The following IFI30 variants were observed in gnomAD, a reference collection of about 807,000 sequenced individuals.
The protein encoded by IFI30 is gamma-interferon-inducible lysosomal thiol reductase.
Under a neutral mutation model 30.1 loss-of-function variants are expected in IFI30, and 26 were observed. The observed-to-expected ratio is 0.87, with a 90% confidence interval of 0.63 to 1.20. IFI30 has a LOEUF of 1.20. Among genes scored for constraint, IFI30 ranks in the 50% most tolerant of loss-of-function variants. The probability of loss-of-function intolerance (pLI) is 0.00; values close to 1 mark genes in which losing one functional copy is unlikely to be tolerated. For synonymous variants in IFI30, 149 were observed against 134.5 expected, an observed-to-expected ratio of 1.11 and a Z score of -0.75; for missense variants, 296 against 312.5, an observed-to-expected ratio of 0.95 and a Z score of 0.40.
At chr19:18,174,868 CAAA>C (rs368913279) in intron 1 of IFI30, 169 bp from the exon 2 acceptor site, 1,824 of 484,830 alleles carry the variant, frequency 3.8e-3, no homozygotes, top group Middle Eastern at 5.3e-3. Flanking sequence ...GACTCCATCT[CAAA>C]AAAAAAAAAA....
chr19:18,175,450 C>G (rs940153143), intron 3 of IFI30, 65 bp downstream of exon 3: 7 of 1,477,866 alleles, frequency 4.7e-6, no homozygotes, highest in Non-Finnish European at 6.5e-6. Context: ...GAGGCAAATA[C>G]GAGGATGCCA....
In IFI30 at chr19:18,177,179, A is replaced by C; in HGVS notation, c.523A>C (p.Ile175Leu). The change falls in exon 5 of 7, where the codon ATC (isoleucine) becomes CTC (leucine). Residue 175 changes from isoleucine (I) to leucine (L), a missense_variant. Physicochemically the swap from Ile to Leu is conservative, Grantham distance 5. Coordinates refer to ENST00000407280, the MANE Select transcript of IFI30 (RefSeq NM_006332.5). ...LYAPGLSPDT[I>L]MECAMGDRGM... is the part of the protein sequence containing the mutation. The stretch of plus-strand genomic sequence containing the variant: ...CGCCCCAGGGCTGTCGCCAGACACT[A>C]TCATGGAGTGTGCAATGGGGGACCG... The C allele has an allele frequency of 6.3e-7, 1 of 1,584,502 alleles. No homozygotes were observed.
chr19:18,173,990 G>A lies in IFI30; in HGVS notation c.132+17G>A, dbSNP rs985125761. ...AACTACAAGGTAGGGACGGCGACAG[G>A]GCGGGCAGGCTGGAGGGAACAGGCG... On this transcript the variant is annotated intron_variant, in intron 1 of 6. Transcript: ENST00000407280. 4.5e-6 allele frequency: 7 copies of A among 1,546,748 alleles called. No individual in the cohort carries two copies. In the South Asian group the frequency reaches 8.4e-5, roughly 18 times the overall value.
At position 18,175,610 on chromosome 19, in the gene IFI30, C is replaced by T. The variant is rs376719198; in HGVS notation, c.396C>T (p.Cys132=). 7.3e-5 allele frequency: 118 copies of T among 1,607,912 alleles called. No homozygotes were observed. Among genetic ancestry groups the T allele is most frequent in the Non-Finnish European group, 7.6e-5 (89 of 1,177,256 alleles). ...GCCCCCTCTCCAAACCCCAGGCCTGCGTGTTGGATGAACTTGACATGGAGC... is the reference window on the plus strand; with the variant it reads ...GCCCCCTCTCCAAACCCCAGGCCTGTGTGTTGGATGAACTTGACATGGAGC... ...EECKFNKVEA[C]VLDELDMELA... Residue 132 remains cysteine, a synonymous_variant, in exon 4 of 7, where the codon TGC becomes TGT. Transcript: ENST00000407280.
At position 18,177,552 on chromosome 19, in the gene IFI30, T is replaced by C. The variant is rs539691076; in HGVS notation, c.637-159T>C. On this transcript the variant is annotated intron_variant, in intron 5 of 6. Transcript: ENST00000407280. ...ATGTATTAATTCGAAGTATTAAACATCCCTAGCCACCCCCATTGGGAAAGA... is the reference window on the plus strand; with the variant it reads ...ATGTATTAATTCGAAGTATTAAACACCCCTAGCCACCCCCATTGGGAAAGA... 10 of 908,882 alleles carry C rather than the reference T, an allele frequency of 1.1e-5. No individual in the cohort carries two copies. In the African/African-American group the frequency reaches 1.7e-4, roughly 15 times the overall value. The allele number at this position is 908,882 out of a possible 1,614,324, so 56.3% of individuals were successfully genotyped here. A position where few individuals can be genotyped will look rare whatever the true frequency, so the allele number is the denominator to read the frequency against.
Position 18,173,824 on chromosome 19 carries a change from A to G in IFI30, c.-18A>G. 1 of 1,526,378 alleles carries G rather than the reference A, an allele frequency of 6.6e-7. No homozygotes were observed. The highest frequency in any genetic ancestry group is 8.8e-7 in the Non-Finnish European group (1 of 1,136,188). 94.6% of individuals were successfully genotyped at this position (1,526,378 alleles called of 1,614,324 possible). A position where few individuals can be genotyped will look rare whatever the true frequency, so the allele number is the denominator to read the frequency against. On this transcript the variant is annotated 5_prime_UTR_variant, in exon 1 of 7. Transcript: ENST00000407280. ...CCCAGGCAGCCGCTGCAGTCGCCACACCTTTGCCCCTGCTGCGATGACCCT... is the reference window on the plus strand; with the variant it reads ...CCCAGGCAGCCGCTGCAGTCGCCACGCCTTTGCCCCTGCTGCGATGACCCT...
chr19:18,174,049 C>CTGTGAAGTCTGGGGAGAA, intron 1 of IFI30, 76 bp downstream of exon 1: 2 of 1,378,360 alleles, frequency 1.5e-6, no homozygotes, highest in Non-Finnish European at 2.0e-6. Flanking sequence ...TCTTTCTCCC[C>CTGTGAAGTCTGGGGAGAA]AGACTTCACA....
intron 1 of IFI30, chr19:18,174,210 C>A: frequency 2.0e-6 from 1 of 491,532 alleles, no homozygotes; most frequent in Non-Finnish European, 3.6e-6. Flanking sequence ...CCCGCCTAGT[C>A]CCGCCCAAGG....
chr19:18,174,827 G>A lies in IFI30; in HGVS notation c.133-213G>A, dbSNP rs1006609700. 7.6e-5 allele frequency: 40 copies of A among 529,610 alleles called. No homozygotes were observed. In the East Asian group the frequency reaches 1.2e-3, roughly 16 times the overall value. 32.8% of individuals were successfully genotyped at this position (529,610 alleles called of 1,614,324 possible). On this transcript the variant is annotated intron_variant, in intron 1 of 6. Transcript: ENST00000407280. ...TCGGGTGTTGCAGTGAGCCGAGATC[G>A]TGCCGCAGCACACCAGCCTAGCGAC...
At chr19:18,176,953 C>T (rs1967276333) in intron 4 of IFI30, among the ~76,000 whole-genome samples, 187 bp from the exon 5 acceptor site, 1 of 152,162 alleles carries the variant, frequency 6.6e-6, no homozygotes, top group Non-Finnish European at 1.5e-5. Flanking sequence ...CAGCCCAAGC[C>T]CTGCCTTAGG....
chr19:18,174,244 C>T lies in IFI30; in HGVS notation c.132+271C>T, dbSNP rs1967236327. ...GGGTTCAATGAGCGCCTACTGTGTA[C>T]TTTTGGGGCAGGAGCTGGGGTCTCC... is the stretch of plus-strand genomic sequence containing the variant. On this transcript the variant is annotated intron_variant, in intron 1 of 6. Coordinates refer to ENST00000407280, the MANE Select transcript of IFI30 (RefSeq NM_006332.5). 7.7e-6 allele frequency: 3 copies of T among 387,446 alleles called. No individual in the cohort carries two copies. The South Asian group carries it at 1.1e-4, about 14-fold the overall frequency. 24.0% of individuals were successfully genotyped at this position (387,446 alleles called of 1,614,324 possible). A position where few individuals can be genotyped will look rare whatever the true frequency, so the allele number is the denominator to read the frequency against.
Position 18,177,957 on chromosome 19 carries a change from G to C in IFI30, c.*46G>C. On this transcript the variant is annotated 3_prime_UTR_variant, in exon 7 of 7. Transcript: ENST00000407280. The stretch of plus-strand genomic sequence containing the variant: ...GCTCATGGAAGGCGAGTGGGAACCC[G>C]GCTGCCTGCCTTTTTTTCTGATCCA... 1 of 1,548,454 alleles carries C rather than the reference G, an allele frequency of 6.5e-7. No homozygotes were observed. Among genetic ancestry groups the C allele is most frequent in the Non-Finnish European group, 8.7e-7 (1 of 1,144,264 alleles).
rs1472621638 is a variant in IFI30, at chr19:18,175,303, C to T, written c.316-8C>T. On this transcript the variant is annotated splice_region_variant and splice_polypyrimidine_tract_variant and intron_variant, in intron 2 of 6. Coordinates refer to ENST00000407280, the MANE Select transcript of IFI30 (RefSeq NM_006332.5). Reference sequence around the variant, plus strand: ...CTACCAGCAGGCTCTCACCCTGCTGCCTTGCAGGAACAAAATGTCAGTGGC... The same window carrying T: ...CTACCAGCAGGCTCTCACCCTGCTGTCTTGCAGGAACAAAATGTCAGTGGC... The T allele has an allele frequency of 1.3e-6, 2 of 1,584,278 alleles. No homozygotes were observed. Among genetic ancestry groups the T allele is most frequent in the East Asian group, 2.3e-5 (1 of 43,190 alleles).
At chr19:18,177,625 A>G (rs916050103) in intron 5 of IFI30, 86 bp from the exon 6 acceptor site, 1 of 1,488,640 alleles carries the variant, frequency 6.7e-7, no homozygotes, top group African/African-American at 1.4e-5. Flanking sequence ...ACTTGGGAAT[A>G]TGTGCAGCCC....
chr19:18,176,969 C>A (rs1967276490), intron 4 of IFI30, among the ~76,000 whole-genome samples, 171 bp from the exon 5 acceptor site: 1 of 152,196 alleles, frequency 6.6e-6, no homozygotes, highest in African/African-American at 2.4e-5. Context: ...TTAGGGGCCT[C>A]CACTCAAGCA....
intron 5 of IFI30, 149 bp downstream of exon 5, chr19:18,177,441 C>A: frequency 1.1e-6 from 1 of 946,834 alleles, no homozygotes; most frequent in Non-Finnish European, 1.6e-6. Context: ...GCAACAAGAG[C>A]AAAACTTGAT....
Position 18,178,100 on chromosome 19 carries a change from A to T in IFI30, c.*189A>T. ...GCTCCACTAAGAATGGTGCTAAAGT[A>T]AAACTAGTTTAATAAGCCCTTCTGG... On this transcript the variant is annotated 3_prime_UTR_variant, in exon 7 of 7. Coordinates refer to ENST00000407280, the MANE Select transcript of IFI30 (RefSeq NM_006332.5). 1 of 618,954 alleles carries T rather than the reference A, an allele frequency of 1.6e-6. No homozygotes were observed. Among genetic ancestry groups the T allele is most frequent in the Non-Finnish European group, 2.9e-6 (1 of 349,362 alleles). 38.3% of individuals were successfully genotyped at this position (618,954 alleles called of 1,614,324 possible). A position where few individuals can be genotyped will look rare whatever the true frequency, so the allele number is the denominator to read the frequency against.
At chr19:18,176,819 T>G (rs1344035320) in intron 4 of IFI30, among the ~76,000 whole-genome samples, 1 of 152,046 alleles carries the variant, frequency 6.6e-6, no homozygotes. Flanking sequence ...GGAAGGAGGA[T>G]GAAGGGTGTT....
In IFI30 at chr19:18,177,986, C is replaced by T. The variant is rs77198486; in HGVS notation, c.*75C>T. On this transcript the variant is annotated 3_prime_UTR_variant, in exon 7 of 7. Transcript: ENST00000407280. ...GCCTGCCTTTTTTTCTGATCCAGAC[C>T]CTCGGCACCTGCTACTTACCAACTG... 8.3e-3 allele frequency: 12,014 copies of T among 1,454,144 alleles called. 299 individuals are homozygous for T. Among genetic ancestry groups the T allele is most frequent in the Admixed American group, 0.064 (3,233 of 50,632 alleles). 90.1% of individuals were successfully genotyped at this position (1,454,144 alleles called of 1,614,324 possible).
Sources: allele counts gnomAD v4.1 joint callset (sites outside exome capture counted in the v4.1 genomes callset), GRCh38; gene constraint gnomAD v4.1.1; transcripts MANE v1.5; gene names NCBI Gene and HGNC (gene_info 2026-07-23, HGNC 2026-07-21).